The following CEACAM1 variants were observed in gnomAD, a reference collection of about 807,000 sequenced individuals.
The protein encoded by CEACAM1 is CEA cell adhesion molecule 1.
A neutral mutation model predicts 49.1 loss-of-function variants in CEACAM1; 31 were observed. That is an observed-to-expected ratio of 0.63 (90% CI 0.47 to 0.85). CEACAM1 has a LOEUF of 0.85. Among genes scored for constraint, CEACAM1 ranks in the 40% least tolerant of loss-of-function variants. The pLI, the probability that CEACAM1 is intolerant of heterozygous loss-of-function variation, is 0.00. For missense variants in CEACAM1, 570 were observed against 645.3 expected, an observed-to-expected ratio of 0.88 and a Z score of 1.26; for synonymous variants, 244 against 247.8, an observed-to-expected ratio of 0.98 and a Z score of 0.14.
intron 2 of CEACAM1, among the ~76,000 whole-genome samples, chr19:42,526,259 G>A (rs1451571394): frequency 6.6e-6 from 1 of 152,074 alleles, no homozygotes; most frequent in Non-Finnish European, 1.5e-5. Flanking sequence ...CCCGGCCGCA[G>A]CATCTATTGT....
chr19:42,526,330 G>A (rs1382294870), intron 2 of CEACAM1, among the ~76,000 whole-genome samples: 1 of 152,182 alleles, frequency 6.6e-6, no homozygotes, highest in East Asian at 1.9e-4. Flanking sequence ...GCTTTCAGGA[G>A]CATCCTGTCT....
Position 42,521,517 on chromosome 19 carries a change from G to A in CEACAM1, c.708C>T (p.Gly236=). ...SDPVTLNVTY[G]PDTPTISPSD... ...AAGGGGAAATGGTGGGGGTGTCCGG[G>A]CCATCTGGAGCAAAGAGAATAAAGC... Residue 236 remains glycine, a synonymous_variant, in exon 4 of 9, where the codon GGC becomes GGT. Coordinates refer to ENST00000161559, the MANE Select transcript of CEACAM1 (RefSeq NM_001712.5). 5.6e-6 allele frequency: 9 copies of A among 1,613,268 alleles called. No homozygotes were observed. The highest frequency in any genetic ancestry group is 1.3e-5 in the African/African-American group (1 of 75,018).
At chr19:42,526,633 G>A (rs972489298) in intron 2 of CEACAM1, among the ~76,000 whole-genome samples, 3 of 152,178 alleles carry the variant, frequency 2.0e-5, no homozygotes, top group African/African-American at 7.2e-5. Context: ...CAGGAGTTGA[G>A]AACCTTGGGA....
intron 8 of CEACAM1, among the ~76,000 whole-genome samples, chr19:42,510,560 C>T (rs975857614): frequency 6.6e-6 from 1 of 152,188 alleles, no homozygotes; most frequent in African/African-American, 2.4e-5. Flanking sequence ...TAGGTTATCT[C>T]GTTTAATCCC....
chr19:42,519,568 G>T (rs1299110521), intron 4 of CEACAM1: 3 of 198,172 alleles, frequency 1.5e-5, no homozygotes, highest in East Asian at 1.4e-4. Flanking sequence ...TTTTCCCACT[G>T]ACTTTTTTTT....
chr19:42,522,497 G>A (rs1490623765), intron 2 of CEACAM1, among the ~76,000 whole-genome samples: 4 of 151,878 alleles, frequency 2.6e-5, no homozygotes, highest in South Asian at 2.1e-4. Flanking sequence ...CAATCCGCCC[G>A]ATTCGGCCTC....
At chr19:42,514,901 G>A in intron 5 of CEACAM1, 1 of 548,184 alleles carries the variant, frequency 1.8e-6, no homozygotes, top group South Asian at 2.3e-5. Context: ...AGTAGTAATA[G>A]CAGCTAACAT....
chr19:42,521,595 A>C lies in CEACAM1; in HGVS notation c.704-74T>G, dbSNP rs555886927. The C allele has an allele frequency of 3.3e-5, 51 of 1,567,266 alleles. No homozygotes were observed. The African/African-American group carries it at 5.5e-4, about 17-fold the overall frequency. On this transcript the variant is annotated intron_variant, in intron 3 of 8. Transcript: ENST00000161559. ...GAAGCTGCTGGTCTGGAGAAGGGCC[A>C]CAGTGTTCCTCTCTACTAAGTCACA...
intron 5 of CEACAM1, among the ~76,000 whole-genome samples, chr19:42,513,424 C>T (rs530712331): frequency 2.6e-5 from 4 of 151,988 alleles, no homozygotes; most frequent in Non-Finnish European, 5.9e-5. Context: ...TGGTGAAACC[C>T]TATCTCTACT....
intron 2 of CEACAM1, 70 bp from the exon 3 acceptor site, chr19:42,522,272 CTTAT>C (rs910504810): frequency 4.3e-5 from 68 of 1,567,756 alleles, no homozygotes; most frequent in Non-Finnish European, 5.5e-5. Flanking sequence ...TTTTTCTTTT[CTTAT>C]TTATTTATTT....
At chr19:42,518,878 T>C in intron 5 of CEACAM1, 70 bp downstream of exon 5, 2 of 1,527,762 alleles carry the variant, frequency 1.3e-6, no homozygotes, top group Non-Finnish European at 1.8e-6. Flanking sequence ...CTGTGAGTTT[T>C]ATCCATTTTG....
At position 42,521,407 on chromosome 19, in the gene CEACAM1, A is replaced by G. The variant is rs766039178; in HGVS notation, c.818T>C (p.Ile273Thr). 6.8e-5 allele frequency: 109 copies of G among 1,614,100 alleles called. No homozygotes were observed. Among genetic ancestry groups the G allele is most frequent in the Non-Finnish European group, 9.1e-5 (107 of 1,180,044 alleles). Residue 273 changes from isoleucine to threonine, a missense_variant, in exon 4 of 9, where the codon ATC becomes ACC. Transcript: ENST00000161559. Reference protein sequence around the residue: ...SNPPAQYSWLINGTFQQSTQE... With the variant: ...SNPPAQYSWLTNGTFQQSTQE... ...TGTGCTTTGCTGGAATGTTCCATTG[A>G]TAAGCCAGGAGTACTGTGCAGGTGG...
In CEACAM1 at chr19:42,527,141, C is replaced by T. The variant is rs1213664700; in HGVS notation, c.324G>A (p.Leu108=). 1 of 1,614,048 alleles carries T rather than the reference C, an allele frequency of 6.2e-7. No homozygotes were observed. The highest frequency in any genetic ancestry group is 2.2e-5 in the East Asian group (1 of 44,896). Residue 108 remains leucine (L), a synonymous_variant, in exon 2 of 9, where the codon CTG becomes CTA. Transcript: ENST00000161559. ...TGTCATTCTGGGTGACGTTCTGGAT[C>T]AGCAGGGATGCATTGGGGTATATTG... The part of the protein sequence containing the change: ...RETIYPNASL[L]IQNVTQNDTG...
At chr19:42,518,333 G>A (rs1407062989) in intron 5 of CEACAM1, among the ~76,000 whole-genome samples, 1 of 152,002 alleles carries the variant, frequency 6.6e-6, no homozygotes, top group Non-Finnish European at 1.5e-5. Flanking sequence ...AGGATTGCTT[G>A]AACCCAGGGG....
At chr19:42,511,652 A>G in intron 6 of CEACAM1, 24 bp from the exon 7 acceptor site, 3 of 1,610,298 alleles carry the variant, frequency 1.9e-6, no homozygotes, top group Non-Finnish European at 2.5e-6. Flanking sequence ...AGAAACTGTG[A>G]CTGCTATTCC....
rs542951594 is a variant in CEACAM1, at chr19:42,523,572, C to T, written c.425-1370G>A. On this transcript the variant is annotated intron_variant, in intron 2 of 8. Coordinates refer to ENST00000161559, the MANE Select transcript of CEACAM1 (RefSeq NM_001712.5). ...AAGAGCAGATGATGACACTGTGGATCTTTTCTGAAATATGTGGGTTTTTTG... is the reference window on the plus strand; with the variant it reads ...AAGAGCAGATGATGACACTGTGGATTTTTTCTGAAATATGTGGGTTTTTTG... Among the ~76,000 whole-genome samples, 30 of 152,302 alleles carry T rather than the reference C, an allele frequency of 2.0e-4. No individual in the cohort carries two copies. The South Asian group carries it at 6.0e-3, about 31-fold the overall frequency.
At chr19:42,510,760 T>C in intron 8 of CEACAM1, 129 bp downstream of exon 8, 1 of 819,306 alleles carries the variant, frequency 1.2e-6, no homozygotes, top group Non-Finnish European at 2.1e-6. Context: ...TGATTACAAA[T>C]ACGTCTTTGT....
intron 2 of CEACAM1, among the ~76,000 whole-genome samples, chr19:42,526,226 G>C (rs1382730984): frequency 6.6e-6 from 1 of 152,172 alleles, no homozygotes; most frequent in Non-Finnish European, 1.5e-5. Flanking sequence ...AAAGTACTGG[G>C]ATTACAGGCG....
rs148913408 is a variant in CEACAM1 at position 42,517,615 on chromosome 19, C to G, written c.1246+1333G>C. ...ATTAGGGAAGTGCAAATCAAAACTC[C>G]AATGATATACCACCTTATAACCATT... On this transcript the variant is annotated intron_variant, in intron 5 of 8. Coordinates refer to ENST00000161559, the MANE Select transcript of CEACAM1 (RefSeq NM_001712.5). 2.4e-4 allele frequency among the ~76,000 whole-genome samples: 36 copies of G among 152,248 alleles called. 1 individual carries two copies. Among genetic ancestry groups the G allele is most frequent in the African/African-American group, 8.2e-4 (34 of 41,542 alleles).
Sources: gnomAD v4.1 joint callset for allele counts (sites outside exome capture counted in the v4.1 genomes callset) on GRCh38, gnomAD v4.1.1 for gene constraint, MANE v1.5 for transcripts, NCBI Gene and HGNC (gene_info 2026-07-23, HGNC 2026-07-21) for gene names.